The following PHACTR1 variants were observed in gnomAD, a reference collection of about 807,000 sequenced individuals.
PHACTR1 encodes RPEL repeat containing 1.
PHACTR1 carries 16 observed loss-of-function variants against 69.2 expected under a neutral mutation model. The ratio of observed to expected loss-of-function variants is 0.23; its 90% CI spans 0.16 to 0.35. The LOEUF is 0.35. Ranked by LOEUF, PHACTR1 falls within the 10% of genes least tolerant of loss-of-function variation. The probability of loss-of-function intolerance (pLI) is 1.00; values close to 1 mark genes in which losing one functional copy is unlikely to be tolerated. For synonymous variants in PHACTR1, 312 were observed against 284.5 expected, an observed-to-expected ratio of 1.10 and a Z score of -0.97; for missense variants, 510 against 734.7, an observed-to-expected ratio of 0.69 and a Z score of 3.54.
At chr6:13,157,060 T>A (rs1193622838) in intron 5 of PHACTR1, among the ~76,000 whole-genome samples, 1 of 152,228 alleles carries the variant, frequency 6.6e-6, no homozygotes, top group Non-Finnish European at 1.5e-5. Context: ...TAGAATAACA[T>A]GGTCCATGAG....
At chr6:13,206,217 A>C (rs1765900195) in intron 8 of PHACTR1, 81 bp downstream of exon 8, 1 of 1,352,928 alleles carries the variant, frequency 7.4e-7, no homozygotes, top group Non-Finnish European at 9.9e-7. Context: ...ACCATGACTT[A>C]GGAATGTGAA....
intron 5 of PHACTR1, among the ~76,000 whole-genome samples, chr6:13,145,958 G>T (rs1335526497): frequency 6.6e-6 from 1 of 152,208 alleles, no homozygotes; most frequent in Non-Finnish European, 1.5e-5. Flanking sequence ...ATACACGAAA[G>T]CCTATCTGTA....
chr6:13,282,690 C>T (rs996044531), intron 12 of PHACTR1, among the ~76,000 whole-genome samples: 1 of 152,158 alleles, frequency 6.6e-6, no homozygotes, highest in Non-Finnish European at 1.5e-5. Context: ...AAAACCCACA[C>T]AAAATGCACT....
intron 4 of PHACTR1, among the ~76,000 whole-genome samples, chr6:12,959,157 A>G (rs1792295899): frequency 7.5e-6 from 1 of 134,000 alleles, no homozygotes; most frequent in Non-Finnish European, 1.6e-5. Flanking sequence ...TGCCTGGGTG[A>G]TAGAGTGAGA....
At chr6:12,832,528 T>C (rs1168007460) in intron 4 of PHACTR1, among the ~76,000 whole-genome samples, 1 of 152,052 alleles carries the variant, frequency 6.6e-6, no homozygotes, top group Non-Finnish European at 1.5e-5. Flanking sequence ...AGGAAGCACT[T>C]TGGGGTTTTT....
chr6:12,961,151 C>T (rs1792670230), intron 4 of PHACTR1, among the ~76,000 whole-genome samples: 1 of 152,110 alleles, frequency 6.6e-6, no homozygotes, highest in African/African-American at 2.4e-5. Context: ...TCTCCTGGAA[C>T]TTGTCCTAAA....
intron 5 of PHACTR1, among the ~76,000 whole-genome samples, chr6:13,101,702 G>T (rs546609194): frequency 9.2e-5 from 14 of 152,330 alleles, no homozygotes; most frequent in African/African-American, 3.4e-4. Flanking sequence ...CAAGCAGCAC[G>T]TGGGCTGACC....
At chr6:13,133,944 G>A (rs11702496) in intron 5 of PHACTR1, among the ~76,000 whole-genome samples, 1 of 151,186 alleles carries the variant, frequency 6.6e-6, no homozygotes, top group Admixed American at 6.6e-5. Context: ...CCTCTGCCCC[G>A]CCACCCCGTC....
chr6:13,171,765 T>C (rs909675383), intron 6 of PHACTR1, among the ~76,000 whole-genome samples: 1 of 151,928 alleles, frequency 6.6e-6, no homozygotes, highest in Non-Finnish European at 1.5e-5. Context: ...CTCCCCCAGC[T>C]CTAGCCAATT....
In PHACTR1 at chr6:13,144,905, A is replaced by G. The variant is rs546870174; in HGVS notation, c.416-15299A>G. Among the ~76,000 whole-genome samples the G allele has an allele frequency of 3.0e-4, 45 of 152,316 alleles. 1 individual carries two copies. The highest frequency in any genetic ancestry group is 1.0e-3 in the Admixed American group (16 of 15,296). On this transcript the variant is annotated intron_variant, in intron 5 of 14. Transcript: ENST00000332995. ...TGATGAGGCTACAGTGATTAGAACA[A>G]TGTAGTACAGGTGCAGGATAGGCAA...
chr6:12,858,663 G>C (rs1582129637), intron 4 of PHACTR1, among the ~76,000 whole-genome samples: 1 of 152,074 alleles, frequency 6.6e-6, no homozygotes, highest in Non-Finnish European at 1.5e-5. Flanking sequence ...GGACATGGTG[G>C]TGTGTGCCTA....
chr6:13,161,091 C>T (rs1253875925), intron 6 of PHACTR1, among the ~76,000 whole-genome samples: 5 of 152,062 alleles, frequency 3.3e-5, no homozygotes, highest in East Asian at 1.9e-4. Flanking sequence ...GGGATCCTCT[C>T]GCCTCAGCCT....
chr6:12,972,359 T>C (rs1794316673), intron 4 of PHACTR1, among the ~76,000 whole-genome samples: 1 of 152,210 alleles, frequency 6.6e-6, no homozygotes, highest in African/African-American at 2.4e-5. Flanking sequence ...CCAGCATTAA[T>C]TCCTACACAT....
chr6:13,105,767 G>A (rs998695139), intron 5 of PHACTR1, among the ~76,000 whole-genome samples: 5 of 152,216 alleles, frequency 3.3e-5, no homozygotes, highest in African/African-American at 9.6e-5. Context: ...CAAAATTAAT[G>A]TAAGTAGAGA....
intron 6 of PHACTR1, among the ~76,000 whole-genome samples, chr6:13,177,171 C>CT (rs1183411468): frequency 4.7e-5 from 2 of 42,188 alleles, no homozygotes; most frequent in African/African-American, 2.8e-4. Flanking sequence ...GACCCCATCT[C>CT]TAAAAAAAAA....
At position 12,933,731 on chromosome 6, in the gene PHACTR1, C is replaced by T. The variant is rs1789124871; in HGVS notation, c.251-119634C>T. On this transcript the variant is annotated intron_variant, in intron 4 of 14. Transcript: ENST00000332995. ...GCTCGAACTGTGTTCCCTGGAAAAC[C>T]ACGGCCTCCTGAAGACAGCCCCTAC... 3 of 1,612,674 alleles carry T rather than the reference C, an allele frequency of 1.9e-6. No homozygotes were observed. In the African/African-American group the frequency reaches 4.0e-5, roughly 22 times the overall value.
chr6:12,831,099 T>C (rs1035409420), intron 4 of PHACTR1, among the ~76,000 whole-genome samples: 3 of 152,184 alleles, frequency 2.0e-5, no homozygotes, highest in Non-Finnish European at 4.4e-5. Context: ...TATTTGAGCT[T>C]CTTCTAGAAA....
intron 10 of PHACTR1, among the ~76,000 whole-genome samples, chr6:13,257,074 G>T (rs1775285013): frequency 6.6e-6 from 1 of 152,208 alleles, no homozygotes; most frequent in Non-Finnish European, 1.5e-5. Flanking sequence ...GGTTCTGCAG[G>T]CTGTACAAGA....
At chr6:12,731,459 G>A (rs1763515093) in intron 3 of PHACTR1, among the ~76,000 whole-genome samples, 1 of 152,202 alleles carries the variant, frequency 6.6e-6, no homozygotes, top group Non-Finnish European at 1.5e-5. Context: ...TGAAAAGCTA[G>A]ACCACATTCC....
Sources: gnomAD v4.1 joint callset for allele counts (sites outside exome capture counted in the v4.1 genomes callset) on GRCh38, gnomAD v4.1.1 for gene constraint, MANE v1.5 for transcripts, NCBI Gene and HGNC (gene_info 2026-07-23, HGNC 2026-07-21) for gene names.